Variants in GPC6 observed in about 807,000 individuals in gnomAD.
GPC6 encodes glypican-6.
GPC6 carries 14 observed loss-of-function variants against 55.2 expected under a neutral mutation model. The ratio of observed to expected loss-of-function variants is 0.25; its 90% CI spans 0.17 to 0.40. The LOEUF is 0.40. Ranked by LOEUF, GPC6 falls within the 10% of genes least tolerant of loss-of-function variation. The probability of loss-of-function intolerance (pLI) is 1.00; values close to 1 mark genes in which losing one functional copy is unlikely to be tolerated. For missense variants in GPC6, 641 were observed against 708.5 expected, an observed-to-expected ratio of 0.90 and a Z score of 1.08; for synonymous variants, 278 against 259.6, an observed-to-expected ratio of 1.07 and a Z score of -0.68.
chr13:93,588,964 G>A (rs1877336244), intron 2 of GPC6, among the ~76,000 whole-genome samples: 1 of 152,148 alleles, frequency 6.6e-6, no homozygotes, highest in African/African-American at 2.4e-5. Context: ...GAGTGCTACA[G>A]GGGGTTAGGG....
intron 1 of GPC6, among the ~76,000 whole-genome samples, chr13:93,326,177 G>A (rs1879646146): frequency 6.6e-6 from 1 of 152,112 alleles, no homozygotes; most frequent in Non-Finnish European, 1.5e-5. Flanking sequence ...ATGACATTGG[G>A]TTTTGGATAA....
At chr13:93,901,907 A>C (rs1458816312) in intron 3 of GPC6, among the ~76,000 whole-genome samples, 2 of 151,968 alleles carry the variant, frequency 1.3e-5, no homozygotes, top group Admixed American at 1.3e-4. Flanking sequence ...TTAAAAAAAA[A>C]AAAAAAAAAA....
At chr13:93,958,864 A>G (rs1272397112) in intron 3 of GPC6, among the ~76,000 whole-genome samples, 1 of 152,108 alleles carries the variant, frequency 6.6e-6, no homozygotes, top group African/African-American at 2.4e-5. Flanking sequence ...TTTCCGTGTT[A>G]TCATTCTCTT....
intron 2 of GPC6, among the ~76,000 whole-genome samples, chr13:93,673,147 C>T (rs181353296): frequency 2.2e-3 from 341 of 152,002 alleles, no homozygotes; most frequent in African/African-American, 7.7e-3. Flanking sequence ...ACCAACCAAC[C>T]CAACAGGCAA....
At chr13:93,274,713 A>C (rs922849954) in intron 1 of GPC6, among the ~76,000 whole-genome samples, 1 of 152,188 alleles carries the variant, frequency 6.6e-6, no homozygotes, top group African/African-American at 2.4e-5. Flanking sequence ...CTATGATTTT[A>C]TGCTATCAGA....
At chr13:93,635,666 C>T (rs532740308) in intron 2 of GPC6, among the ~76,000 whole-genome samples, 14 of 152,184 alleles carry the variant, frequency 9.2e-5, no homozygotes, top group African/African-American at 3.4e-4. Flanking sequence ...CAAAGCAATC[C>T]CACAGTGAGA....
intron 2 of GPC6, among the ~76,000 whole-genome samples, chr13:93,673,780 T>C (rs543590324): frequency 1.6e-4 from 25 of 152,110 alleles, no homozygotes; most frequent in Non-Finnish European, 3.2e-4. Context: ...CATTTAGAAG[T>C]TTCTTTTGAC....
intron 3 of GPC6, among the ~76,000 whole-genome samples, chr13:93,970,723 C>T (rs1431902843): frequency 3.3e-5 from 5 of 152,186 alleles, no homozygotes; most frequent in South Asian, 4.1e-4. Context: ...GCTCAGTGCC[C>T]TGACAACCTG....
At chr13:93,920,854 ATT>A (rs1175637694) in intron 3 of GPC6, among the ~76,000 whole-genome samples, 1 of 151,960 alleles carries the variant, frequency 6.6e-6, no homozygotes, top group Non-Finnish European at 1.5e-5. Context: ...AATCTTCAAG[ATT>A]TTTTTTCTTC....
chr13:93,753,359 A>G lies in GPC6; in HGVS notation c.320-76795A>G, dbSNP rs1037428341. Reference sequence around the variant, plus strand: ...TGTGTGTTTGAAATAATTAGCAAATAAGATATCATGCTTATCTACAGTAAC... The same window carrying G: ...TGTGTGTTTGAAATAATTAGCAAATGAGATATCATGCTTATCTACAGTAAC... On this transcript the variant is annotated intron_variant, in intron 2 of 8. Transcript: ENST00000377047. Among the ~76,000 whole-genome samples the G allele has an allele frequency of 1.3e-4, 20 of 152,346 alleles. No homozygotes were observed. The East Asian group carries it at 3.3e-3, about 25-fold the overall frequency.
intron 1 of GPC6, among the ~76,000 whole-genome samples, chr13:93,532,519 A>G (rs1881906965): frequency 6.6e-6 from 1 of 152,202 alleles, no homozygotes. Flanking sequence ...ATGATTTTAT[A>G]ACATACCAAG....
intron 1 of GPC6, among the ~76,000 whole-genome samples, chr13:93,246,001 C>G (rs1397119996): frequency 6.6e-6 from 1 of 152,136 alleles, no homozygotes; most frequent in East Asian, 1.9e-4. Flanking sequence ...ATTTTTCTTA[C>G]TAATATGGTA....
rs76073529 is a variant in GPC6 at position 93,432,893 on chromosome 13, G to A, written c.161-112370G>A. Among the ~76,000 whole-genome samples, 1,740 of 151,876 alleles carry A rather than the reference G, an allele frequency of 0.011. 211 individuals carry two copies. In the East Asian group the frequency reaches 0.28, roughly 24 times the overall value. ...TTTTCTTTTGTGTCTGTGTGTGTGA[G>A]AGAGTGAGAGGGAGAGAGGGAGAGA... On this transcript the variant is annotated intron_variant, in intron 1 of 8. Transcript: ENST00000377047.
rs1881234646 is a variant in GPC6, at chr13:94,403,366, T to G, written c.*149T>G. On this transcript the variant is annotated 3_prime_UTR_variant, in exon 9 of 9. Coordinates refer to ENST00000377047, the MANE Select transcript of GPC6 (RefSeq NM_005708.5). ...CAGTAATGCAATCTGCCTCCCTTTTTGTTTTCCCAAAGAGTACCGGGTGCC... is the reference window on the plus strand; with the variant it reads ...CAGTAATGCAATCTGCCTCCCTTTTGGTTTTCCCAAAGAGTACCGGGTGCC... The G allele has an allele frequency of 1.4e-6, 1 of 709,670 alleles. No individual in the cohort carries two copies. The highest frequency in any genetic ancestry group is 2.5e-6 in the Non-Finnish European group (1 of 395,602). The allele number at this position is 709,670 out of a possible 1,614,324, so 44.0% of individuals were successfully genotyped here. A position where few individuals can be genotyped will look rare whatever the true frequency, so the allele number is the denominator to read the frequency against.
upstream of GPC6, among the ~76,000 whole-genome samples, chr13:93,225,510 T>G (rs866473095): frequency 5.0e-4 from 1 of 1,998 alleles, no homozygotes; most frequent in African/African-American, 5.7e-4. Context: ...TTTGTTTTGT[T>G]TTTTTTTTTT....
intron 2 of GPC6, among the ~76,000 whole-genome samples, chr13:93,810,840 A>G (rs1036754806): frequency 1.3e-5 from 2 of 152,222 alleles, no homozygotes; most frequent in Non-Finnish European, 2.9e-5. Flanking sequence ...TCTTATGTAG[A>G]TACATATGTA....
chr13:94,377,562 A>G (rs1458052831), intron 6 of GPC6, among the ~76,000 whole-genome samples: 2 of 149,104 alleles, frequency 1.3e-5, no homozygotes, highest in East Asian at 4.0e-4. Flanking sequence ...GCTGGAGAGG[A>G]TGTGGAGAAA....
At chr13:94,273,207 G>A (rs1026086740) in intron 4 of GPC6, among the ~76,000 whole-genome samples, 1 of 152,138 alleles carries the variant, frequency 6.6e-6, no homozygotes, top group African/African-American at 2.4e-5. Context: ...AGTTGCCCTA[G>A]GTCAGAGAGC....
chr13:93,540,517 A>C (rs1025840779), intron 1 of GPC6, among the ~76,000 whole-genome samples: 1 of 152,102 alleles, frequency 6.6e-6, no homozygotes, highest in Non-Finnish European at 1.5e-5. Flanking sequence ...TAGAAATTTA[A>C]TAAGATATAG....
Sources: gnomAD v4.1 joint callset for allele counts (sites outside exome capture counted in the v4.1 genomes callset) on GRCh38, gnomAD v4.1.1 for gene constraint, MANE v1.5 for transcripts, NCBI Gene and HGNC (gene_info 2026-07-23, HGNC 2026-07-21) for gene names.